FSTL5: variants seen among roughly 807,000 people sequenced by gnomAD.
The protein encoded by FSTL5 is follistatin-related protein 5.
FSTL5 carries 62 observed loss-of-function variants against 89.1 expected under a neutral mutation model. That is an observed-to-expected ratio of 0.70 (90% confidence interval 0.57 to 0.86). The LOEUF is 0.86. Among genes scored for constraint, FSTL5 ranks in the 40% least tolerant of loss-of-function variants. The pLI is 0.00. For missense variants in FSTL5, 1,057 were observed against 1,001.6 expected, an observed-to-expected ratio of 1.06 and a Z score of -0.75; for synonymous variants, 383 against 346.2, an observed-to-expected ratio of 1.11 and a Z score of -1.18.
chr4:161,983,836 G>A (rs10031685), intron 3 of FSTL5, among the ~76,000 whole-genome samples: 113,334 of 152,010 alleles, frequency 0.75, 43,296 homozygotes, highest in Middle Eastern at 0.86. Flanking sequence ...ATGATTTTGG[G>A]TCCTATAAAC....
intron 12 of FSTL5, among the ~76,000 whole-genome samples, chr4:161,493,679 T>C (rs1729960732): frequency 6.6e-6 from 1 of 152,104 alleles, no homozygotes; most frequent in Non-Finnish European, 1.5e-5. Flanking sequence ...GAAGTTTCTG[T>C]TGAAAAATCT....
At chr4:161,828,918 A>G (rs879359750) in intron 4 of FSTL5, among the ~76,000 whole-genome samples, 5 of 151,996 alleles carry the variant, frequency 3.3e-5, no homozygotes, top group Admixed American at 3.3e-4. Context: ...AGACAGGTAT[A>G]AAACCACTAA....
At chr4:161,953,802 T>G (rs1161188893) in intron 3 of FSTL5, among the ~76,000 whole-genome samples, 4 of 151,672 alleles carry the variant, frequency 2.6e-5, no homozygotes, top group Non-Finnish European at 5.9e-5. Flanking sequence ...GAATTTTCTT[T>G]TCAATGACTT....
intron 6 of FSTL5, among the ~76,000 whole-genome samples, chr4:161,665,972 A>C (rs548869486): frequency 2.0e-5 from 3 of 152,252 alleles, no homozygotes; most frequent in South Asian, 4.1e-4. Context: ...AATATAAAAT[A>C]ATATTTCCAT....
intron 3 of FSTL5, among the ~76,000 whole-genome samples, chr4:162,025,211 T>C (rs1259555163): frequency 2.6e-5 from 4 of 152,024 alleles, no homozygotes; most frequent in African/African-American, 9.7e-5. Context: ...GTTTGGAAAA[T>C]ATGTGAATTG....
At chr4:161,769,336 T>TGAGACCAGTATTACCCTGATTCCAA (rs1741127827) in intron 5 of FSTL5, among the ~76,000 whole-genome samples, 1 of 151,998 alleles carries the variant, frequency 6.6e-6, no homozygotes, top group Admixed American at 6.6e-5. Flanking sequence ...ACTCATTCCA[T>TGAGACCAGTATTACCCTGATTCCAA]GAGACCAGTA....
chr4:161,456,676 T>C (rs917596942), intron 14 of FSTL5, among the ~76,000 whole-genome samples: 1 of 152,246 alleles, frequency 6.6e-6, no homozygotes, highest in Non-Finnish European at 1.5e-5. Context: ...GAATGTTTCC[T>C]GATAATCTTT....
intron 4 of FSTL5, among the ~76,000 whole-genome samples, chr4:161,859,409 T>C (rs1178094819): frequency 1.3e-5 from 2 of 152,206 alleles, no homozygotes; most frequent in Admixed American, 1.3e-4. Flanking sequence ...CTTCCAAACA[T>C]TTCTTTCAGT....
At chr4:161,811,489 C>T (rs953671291) in intron 4 of FSTL5, among the ~76,000 whole-genome samples, 1 of 152,022 alleles carries the variant, frequency 6.6e-6, no homozygotes, top group Non-Finnish European at 1.5e-5. Context: ...CCCTCACTAA[C>T]CTTTCACTGA....
At chr4:161,898,609 A>G (rs1733246271) in intron 4 of FSTL5, among the ~76,000 whole-genome samples, 1 of 147,504 alleles carries the variant, frequency 6.8e-6, no homozygotes, top group African/African-American at 2.5e-5. Context: ...TCATAAATAT[A>G]TTTGGCATCT....
At chr4:161,401,819 A>C (rs1226088776) in intron 15 of FSTL5, among the ~76,000 whole-genome samples, 1 of 151,988 alleles carries the variant, frequency 6.6e-6, no homozygotes, top group Non-Finnish European at 1.5e-5. Context: ...GAGCCACCGC[A>C]CCCAGCCTAT....
rs566904270 is a variant in FSTL5 at position 161,725,968 on chromosome 4, A to G, written c.727+33443T>C. 1.8e-4 allele frequency among the ~76,000 whole-genome samples: 28 copies of G among 152,284 alleles called. 1 individual carries two copies. The South Asian group carries it at 5.8e-3, about 32-fold the overall frequency. On this transcript the variant is annotated intron_variant, in intron 6 of 15. Coordinates refer to ENST00000306100, the MANE Select transcript of FSTL5 (RefSeq NM_020116.5). ...AAAAACCACAGTTACTTTTTCATCA[A>G]CCTAATATAAAAATCCCCATATCAC...
chr4:161,567,303 A>G (rs1181013665), intron 8 of FSTL5, among the ~76,000 whole-genome samples: 1 of 152,168 alleles, frequency 6.6e-6, no homozygotes, highest in Non-Finnish European at 1.5e-5. Context: ...TTTTTAAAAC[A>G]TATGGATTAA....
intron 6 of FSTL5, among the ~76,000 whole-genome samples, chr4:161,737,270 A>G (rs1197350026): frequency 6.6e-6 from 1 of 152,086 alleles, no homozygotes; most frequent in Admixed American, 6.6e-5. Context: ...GAAAATGAGG[A>G]AAATGGAGAG....
chr4:161,585,117 GGA>G (rs1404892997), intron 8 of FSTL5, among the ~76,000 whole-genome samples: 1 of 152,100 alleles, frequency 6.6e-6, no homozygotes, highest in African/African-American at 2.4e-5. Flanking sequence ...TCATGGGAGG[GGA>G]TGAAACAGGG....
intron 6 of FSTL5, among the ~76,000 whole-genome samples, chr4:161,748,612 T>G (rs1740284797): frequency 6.9e-6 from 1 of 145,870 alleles, no homozygotes; most frequent in Non-Finnish European, 1.5e-5. Context: ...GCACGTTTTT[T>G]TTTTTTTTTT....
At chr4:162,062,524 A>G (rs568008321) in intron 2 of FSTL5, among the ~76,000 whole-genome samples, 1 of 151,782 alleles carries the variant, frequency 6.6e-6, no homozygotes, top group East Asian at 1.9e-4. Context: ...TCCCTCTTAC[A>G]TTTCTTCTTG....
At chr4:161,725,789 T>C (rs186431337) in intron 6 of FSTL5, among the ~76,000 whole-genome samples, 9 of 152,322 alleles carry the variant, frequency 5.9e-5, no homozygotes, top group Admixed American at 4.6e-4. Context: ...ATCCCATATA[T>C]TAGTTCATTT....
intron 6 of FSTL5, among the ~76,000 whole-genome samples, chr4:161,749,771 G>A (rs1201092496): frequency 1.3e-5 from 2 of 151,138 alleles, no homozygotes; most frequent in Admixed American, 6.6e-5. Context: ...CAGCCTGGGC[G>A]ACAGAGCGAG....
Sources: allele counts gnomAD v4.1 joint callset (sites outside exome capture counted in the v4.1 genomes callset), GRCh38; gene constraint gnomAD v4.1.1; transcripts MANE v1.5; gene names NCBI Gene and HGNC (gene_info 2026-07-23, HGNC 2026-07-21).